The following FABP12 variants were observed in gnomAD, a reference collection of about 807,000 sequenced individuals.
FABP12 encodes the protein fatty acid binding protein 12.
A neutral mutation model predicts 13.7 loss-of-function variants in FABP12; 19 were observed. The observed-to-expected ratio is 1.39, with a 90% CI of 0.97 to 2.04. The LOEUF (loss-of-function observed/expected upper bound fraction) is 2.04. Ranked by LOEUF, FABP12 falls within the 30% of genes most tolerant of loss-of-function variation. The pLI is 0.00. For missense variants in FABP12, 182 were observed against 164.2 expected, an observed-to-expected ratio of 1.11 and a Z score of -0.59; for synonymous variants, 61 against 57.0, an observed-to-expected ratio of 1.07 and a Z score of -0.32.
At chr8:81,534,538 C>A (rs1385293748), upstream of FABP12, among the ~76,000 whole-genome samples, 1 of 152,146 alleles carries the variant, frequency 6.6e-6, no homozygotes, top group Admixed American at 6.5e-5. Context: ...CCAAGGCCTC[C>A]ATTATACTAG....
At chr8:81,577,605 A>C (rs1351742378) in intron 1 of FABP12, among the ~76,000 whole-genome samples, 2 of 152,082 alleles carry the variant, frequency 1.3e-5, no homozygotes, top group Non-Finnish European at 2.9e-5. Flanking sequence ...TTAAAAACAC[A>C]AAAAAATTAG....
chr8:81,566,765 C>G (rs1161611828), intron 1 of FABP12, among the ~76,000 whole-genome samples: 1 of 152,156 alleles, frequency 6.6e-6, no homozygotes, highest in African/African-American at 2.4e-5. Context: ...AGGATACCCA[C>G]TGTCCCCAAT....
intron 1 of FABP12, among the ~76,000 whole-genome samples, chr8:81,559,461 C>A (rs28584602): frequency 0.1 from 15,765 of 152,196 alleles, 1,084 homozygotes; most frequent in East Asian, 0.26. Flanking sequence ...GGGTCTAGGC[C>A]CCACTTCCTT....
At chr8:81,529,564 A>G (rs1809006729) in exon 3 of FABP12, 1 of 1,613,924 alleles carries the variant, frequency 6.2e-7, no homozygotes, top group African/African-American at 1.3e-5. Context: ...TGATGGTCAC[A>G]GTGGGTTTTG....
At chr8:81,572,464 G>C (rs115465895) in intron 1 of FABP12, among the ~76,000 whole-genome samples, 2,176 of 152,224 alleles carry the variant, frequency 0.014, 41 homozygotes, top group African/African-American at 0.049. Flanking sequence ...CCTATGGGTA[G>C]ATATCCAGTA....
intron 1 of FABP12, among the ~76,000 whole-genome samples, chr8:81,546,416 G>A (rs943220378): frequency 6.6e-6 from 1 of 152,108 alleles, no homozygotes; most frequent in Non-Finnish European, 1.5e-5. Flanking sequence ...CACTTTGGGA[G>A]GCGGAGGTGG....
At chr8:81,577,754 C>T (rs976394646) in intron 1 of FABP12, among the ~76,000 whole-genome samples, 6 of 151,950 alleles carry the variant, frequency 3.9e-5, no homozygotes, top group Admixed American at 3.3e-4. Context: ...AGTGAGACTC[C>T]GTCTCAAAAA....
intron 1 of FABP12, among the ~76,000 whole-genome samples, chr8:81,553,302 C>T (rs1483290730): frequency 6.6e-6 from 1 of 152,042 alleles, no homozygotes; most frequent in Non-Finnish European, 1.5e-5. Flanking sequence ...TCTCAAAATC[C>T]CTTGGTGTCT....
chr8:81,537,429 A>T (rs1331258805), upstream of FABP12, among the ~76,000 whole-genome samples: 2 of 152,052 alleles, frequency 1.3e-5, no homozygotes, highest in Non-Finnish European at 2.9e-5. Flanking sequence ...TTATCACCTT[A>T]GCAATATTAA....
At chr8:81,569,837 T>C (rs1809892067) in intron 1 of FABP12, among the ~76,000 whole-genome samples, 1 of 152,210 alleles carries the variant, frequency 6.6e-6, no homozygotes, top group Non-Finnish European at 1.5e-5. Flanking sequence ...GGGTGTTGCT[T>C]TTCTGGCCAG....
At position 81,578,823 on chromosome 8, in the gene FABP12, G is replaced by GTTTCTTTTTTT. The variant is rs71268012; in HGVS notation, c.-185+11229_-185+11230insAAAAAAAGAAA. Among the ~76,000 whole-genome samples, 130 of 105,650 alleles carry GTTTCTTTTTTT rather than the reference G, an allele frequency of 1.2e-3. 15 individuals are homozygous for GTTTCTTTTTTT. Among genetic ancestry groups the GTTTCTTTTTTT allele is most frequent in the Middle Eastern group, 6.9e-3 (1 of 144 alleles). 69.3% of individuals were successfully genotyped at this position (105,650 alleles called of 152,430 possible). A position where few individuals can be genotyped will look rare whatever the true frequency, so the allele number is the denominator to read the frequency against. On this transcript the variant is annotated intron_variant, in intron 1 of 5. Transcript: ENST00000692030. ...TACAGAATCTGACACATTTGTTCAA[G>GTTTCTTTTTTT]TTTTTTTTTTTTTTTTTTTGAGAAG...
chr8:81,583,840 A>G (rs1284729524), intron 1 of FABP12, among the ~76,000 whole-genome samples: 1 of 152,192 alleles, frequency 6.6e-6, no homozygotes, highest in Admixed American at 6.5e-5. Flanking sequence ...GACTCATTAT[A>G]TAAGGCCAGC....
intron 2 of FABP12, among the ~76,000 whole-genome samples, chr8:81,529,940 A>G (rs928196113): frequency 2.0e-5 from 3 of 152,226 alleles, no homozygotes; most frequent in Admixed American, 2.0e-4. Context: ...AAATCTGATT[A>G]AAGCTATCAA....
At chr8:81,539,651 A>C (rs1228901797) in exon 2 of FABP12, among the ~76,000 whole-genome samples, 1 of 152,278 alleles carries the variant, frequency 6.6e-6, no homozygotes, top group East Asian at 1.9e-4. Flanking sequence ...TGCTCACTGA[A>C]GGCTGCTCTT....
At chr8:81,553,369 C>T (rs1019182487) in intron 1 of FABP12, among the ~76,000 whole-genome samples, 2 of 152,248 alleles carry the variant, frequency 1.3e-5, no homozygotes, top group African/African-American at 4.8e-5. Flanking sequence ...TTGTTTTCAA[C>T]CTAACGAAGA....
chr8:81,529,838 GA>G (rs955013059), intron 2 of FABP12, among the ~76,000 whole-genome samples: 15 of 151,820 alleles, frequency 9.9e-5, no homozygotes, highest in African/African-American at 2.9e-4. Context: ...TATCTTTGCA[GA>G]AAAAAAATCT....
chr8:81,537,270 G>C (rs1030272282), upstream of FABP12, among the ~76,000 whole-genome samples: 8 of 152,150 alleles, frequency 5.3e-5, no homozygotes, highest in African/African-American at 7.2e-5. Context: ...AATTGTGTAA[G>C]GAAATTGAGG....
chr8:81,570,111 G>A (rs555629352), intron 1 of FABP12, among the ~76,000 whole-genome samples: 4 of 152,338 alleles, frequency 2.6e-5, no homozygotes, highest in South Asian at 2.1e-4. Flanking sequence ...AGCTGGACCC[G>A]GTGCATTGCA....
chr8:81,566,939 CAACA>C (rs1468988339), intron 1 of FABP12, among the ~76,000 whole-genome samples: 1 of 151,976 alleles, frequency 6.6e-6, no homozygotes, highest in Admixed American at 6.5e-5. Context: ...CGATTAGAGT[CAACA>C]AACAAATTTA....
Sources: allele counts gnomAD v4.1 joint callset (sites outside exome capture counted in the v4.1 genomes callset), GRCh38; gene constraint gnomAD v4.1.1; transcripts MANE v1.5; gene names NCBI Gene and HGNC (gene_info 2026-07-23, HGNC 2026-07-21).